The following SPMAP2L variants were observed in gnomAD, a reference collection of about 807,000 sequenced individuals.
The protein encoded by SPMAP2L is sperm microtubule associated protein 2 like.
the SPMAP2L span, among the ~76,000 whole-genome samples, chr4:56,538,218 C>T: frequency 6.6e-6 from 1 of 152,134 alleles, no homozygotes; most frequent in Non-Finnish European, 1.5e-5. Flanking sequence ...CTATCACTCG[C>T]CCTCATGCTC....
chr4:56,581,298 T>C, the SPMAP2L span, among the ~76,000 whole-genome samples: 1 of 151,934 alleles, frequency 6.6e-6, no homozygotes, highest in Non-Finnish European at 1.5e-5. Flanking sequence ...CTACTAAAAA[T>C]ACAAAAATTA....
the SPMAP2L span, chr4:56,595,397 C>G: frequency 6.2e-7 from 1 of 1,602,812 alleles, no homozygotes; most frequent in African/African-American, 1.3e-5. Flanking sequence ...GAGGACAAGG[C>G]AGAGCTGGAC....
chr4:56,559,963 T>G, the SPMAP2L span, among the ~76,000 whole-genome samples: 3 of 152,198 alleles, frequency 2.0e-5, no homozygotes, highest in Non-Finnish European at 4.4e-5. Flanking sequence ...AATTAGGGAT[T>G]CTATATCTGT....
At chr4:56,584,771 T>C in the SPMAP2L span, among the ~76,000 whole-genome samples, 1 of 152,212 alleles carries the variant, frequency 6.6e-6, no homozygotes, top group Admixed American at 6.5e-5. Context: ...TCAGTCAGGA[T>C]TGGATCAGAG....
chr4:56,597,670 T>C, the SPMAP2L span, among the ~76,000 whole-genome samples: 1 of 152,164 alleles, frequency 6.6e-6, no homozygotes, highest in Non-Finnish European at 1.5e-5. Flanking sequence ...GTAATGGAGA[T>C]CTTTCCTTAA....
At chr4:56,619,666 A>T in the SPMAP2L span, among the ~76,000 whole-genome samples, 1 of 152,198 alleles carries the variant, frequency 6.6e-6, no homozygotes, top group Admixed American at 6.5e-5. Context: ...CTGTTTCCAC[A>T]TCTTCACAAT....
the SPMAP2L span, among the ~76,000 whole-genome samples, chr4:56,566,763 C>T: frequency 3.2e-5 from 4 of 126,222 alleles, no homozygotes; most frequent in Admixed American, 4.2e-4. Context: ...ATGGTGCAAT[C>T]TCAGCTCACT....
At chr4:56,592,298 A>G in the SPMAP2L span, among the ~76,000 whole-genome samples, 1 of 152,198 alleles carries the variant, frequency 6.6e-6, no homozygotes, top group East Asian at 1.9e-4. Flanking sequence ...CTGGTGTCCA[A>G]AAGGTTGGGG....
chr4:56,538,216 C>T, the SPMAP2L span, among the ~76,000 whole-genome samples: 2 of 152,282 alleles, frequency 1.3e-5, no homozygotes, highest in Admixed American at 6.5e-5. Context: ...CCCTATCACT[C>T]GCCCTCATGC....
chr4:56,580,740 A>G, the SPMAP2L span, among the ~76,000 whole-genome samples: 1 of 152,182 alleles, frequency 6.6e-6, no homozygotes, highest in Admixed American at 6.6e-5. Flanking sequence ...AGAAAATCTT[A>G]AGGAATCTAC....
the SPMAP2L span, chr4:56,531,191 TCCCC>T: frequency 6.6e-7 from 1 of 1,506,076 alleles, no homozygotes. Context: ...CCTTCCCTCG[TCCCC>T]TCTCCTGCTT....
the SPMAP2L span, chr4:56,559,354 A>ATTT: frequency 1.6e-5 from 19 of 1,152,916 alleles, no homozygotes; most frequent in South Asian, 6.2e-5. Context: ...CTAGCAATCA[A>ATTT]TTTTTTTTTA....
At chr4:56,555,971 C>T in the SPMAP2L span, among the ~76,000 whole-genome samples, 2 of 152,134 alleles carry the variant, frequency 1.3e-5, no homozygotes, top group African/African-American at 4.8e-5. Context: ...ATTATTAGAA[C>T]TGTCAAAATC....
chr4:56,606,253 G>A, the SPMAP2L span, among the ~76,000 whole-genome samples: 31 of 152,296 alleles, frequency 2.0e-4, no homozygotes, highest in Middle Eastern at 0.01. Context: ...GACAGTTGTT[G>A]ATTTTTGGAT....
the SPMAP2L span, among the ~76,000 whole-genome samples, chr4:56,589,524 A>G: frequency 0.73 from 111,264 of 152,048 alleles, 41,463 homozygotes; most frequent in African/African-American, 0.88. Flanking sequence ...TGCTTTTGGC[A>G]CTATGGTCGT....
At chr4:56,554,154 A>G in the SPMAP2L span, among the ~76,000 whole-genome samples, 2 of 152,216 alleles carry the variant, frequency 1.3e-5, no homozygotes, top group Admixed American at 6.5e-5. Flanking sequence ...TAAAGCTGCT[A>G]TAAACATTCA....
chr4:56,593,684 A>G, the SPMAP2L span: 1 of 1,602,170 alleles, frequency 6.2e-7, no homozygotes, highest in Non-Finnish European at 8.6e-7. Context: ...CTTGGTGAGA[A>G]TGATGCCTGG....
At chr4:56,608,837 G>T in the SPMAP2L span, among the ~76,000 whole-genome samples, 4 of 152,096 alleles carry the variant, frequency 2.6e-5, no homozygotes, top group South Asian at 4.1e-4. Flanking sequence ...AAAGCCAAGG[G>T]GGTGAGCCCA....
chr4:56,565,142 T>A, the SPMAP2L span, among the ~76,000 whole-genome samples: 3 of 152,216 alleles, frequency 2.0e-5, no homozygotes, highest in African/African-American at 7.2e-5. Context: ...TTTGCTGTAA[T>A]GGGTAAAGTG....
Sources: gnomAD v4.1 joint callset for allele counts (sites outside exome capture counted in the v4.1 genomes callset) on GRCh38, gnomAD v4.1.1 for gene constraint, MANE v1.5 for transcripts, NCBI Gene and HGNC (gene_info 2026-07-23, HGNC 2026-07-21) for gene names.